ASIC2: variants seen among roughly 807,000 people sequenced by gnomAD.
The protein encoded by ASIC2 is acid-sensing ion channel 2.
In ASIC2, 25 loss-of-function variants were observed where a neutral mutation model predicts 57.3. The observed-to-expected ratio is 0.44, with a 90% confidence interval of 0.32 to 0.61. The LOEUF (loss-of-function observed/expected upper bound fraction) is 0.61. ASIC2 is among the 20% of genes least tolerant of loss of function. The pLI is 0.06. For missense variants in ASIC2, 641 were observed against 738.1 expected, an observed-to-expected ratio of 0.87 and a Z score of 1.52; for synonymous variants, 319 against 307.5, an observed-to-expected ratio of 1.04 and a Z score of -0.39.
intron 1 of ASIC2, among the ~76,000 whole-genome samples, chr17:33,988,313 C>T (rs77984653): frequency 0.039 from 5,904 of 152,252 alleles, 158 homozygotes; most frequent in Middle Eastern, 0.068. Context: ...AATTGAATCA[C>T]GGGAGCAAGT....
intron 1 of ASIC2, among the ~76,000 whole-genome samples, chr17:33,275,044 A>G (rs568579399): frequency 1.6e-3 from 251 of 152,144 alleles, no homozygotes; most frequent in Non-Finnish European, 2.8e-3. Context: ...AGCTCAGGGT[A>G]CCTGGGAGGC....
intron 1 of ASIC2, among the ~76,000 whole-genome samples, chr17:33,171,019 G>C (rs1597614546): frequency 6.6e-6 from 1 of 152,262 alleles, no homozygotes; most frequent in East Asian, 1.9e-4. Context: ...GTAAACTGAT[G>C]TGAAGGCTGG....
chr17:33,398,333 G>A (rs557040012), intron 1 of ASIC2, among the ~76,000 whole-genome samples: 11 of 152,226 alleles, frequency 7.2e-5, no homozygotes, highest in Admixed American at 6.5e-4. Context: ...AAAAGAGCAC[G>A]GGTTAACACA....
At chr17:33,248,541 T>C (rs1908771131) in intron 1 of ASIC2, among the ~76,000 whole-genome samples, 1 of 152,196 alleles carries the variant, frequency 6.6e-6, no homozygotes, top group Non-Finnish European at 1.5e-5. Flanking sequence ...ACAACAGGAA[T>C]TTATTCTCTC....
At chr17:33,741,154 T>C (rs373673972) in intron 1 of ASIC2, among the ~76,000 whole-genome samples, 262 of 152,270 alleles carry the variant, frequency 1.7e-3, no homozygotes, top group African/African-American at 6.0e-3. Flanking sequence ...CTGCCCAGGG[T>C]CTTCAGACCC....
At chr17:33,221,204 G>A (rs540555142) in intron 1 of ASIC2, among the ~76,000 whole-genome samples, 84 of 152,274 alleles carry the variant, frequency 5.5e-4, no homozygotes, top group Non-Finnish European at 1.0e-3. Flanking sequence ...TGAGATCTGG[G>A]CCAAGTCACT....
intron 1 of ASIC2, among the ~76,000 whole-genome samples, chr17:33,475,706 T>C (rs913566027): frequency 4.6e-5 from 7 of 152,214 alleles, no homozygotes; most frequent in African/African-American, 1.7e-4. Context: ...ACTTTTTCAG[T>C]GTAACAGCGT....
chr17:33,265,102 C>CA lies in ASIC2; in HGVS notation c.708+26305dup, dbSNP rs549788119. 2.0e-5 allele frequency among the ~76,000 whole-genome samples: 3 copies of CA among 152,334 alleles called. No individual in the cohort carries two copies. In the East Asian group the frequency reaches 5.8e-4, roughly 29 times the overall value. On this transcript the variant is annotated intron_variant, in intron 1 of 9. Transcript: ENST00000225823. ...TTGGCCTCTCTGGGTCACATGACTC[C>CA]AGTTCCAATACACTCCCTGTAATTC...
At position 33,696,809 on chromosome 17, in the gene ASIC2, AATCTT is replaced by A. The variant is rs529372377; in HGVS notation, c.555+459164_555+459168del. Reference sequence around the variant, plus strand: ...ACAATAAAGTAAGCTAGAGGAGAAAAATCTTATTAAGCAAATCCTAAGGAAGAGAA... The same window carrying A: ...ACAATAAAGTAAGCTAGAGGAGAAAAATTAAGCAAATCCTAAGGAAGAGAA... On this transcript the variant is annotated intron_variant, in intron 1 of 9. Transcript: ENST00000359872. Among the ~76,000 whole-genome samples, 688 of 152,304 alleles carry A rather than the reference AATCTT, an allele frequency of 4.5e-3. 5 individuals carry two copies. The highest frequency in any genetic ancestry group is 0.016 in the African/African-American group (669 of 41,562).
At chr17:33,798,433 G>A (rs1223915963) in intron 1 of ASIC2, among the ~76,000 whole-genome samples, 1 of 152,156 alleles carries the variant, frequency 6.6e-6, no homozygotes, top group Non-Finnish European at 1.5e-5. Flanking sequence ...AATTAGCAGA[G>A]ATCAATTTGT....
intron 1 of ASIC2, among the ~76,000 whole-genome samples, chr17:33,548,888 T>C (rs1289951705): frequency 1.3e-5 from 2 of 152,088 alleles, no homozygotes; most frequent in African/African-American, 4.8e-5. Flanking sequence ...ACAACTTAGT[T>C]CAAATGACTT....
intron 1 of ASIC2, chr17:33,793,433 C>T (rs1173833332): frequency 6.6e-6 from 1 of 152,254 alleles, no homozygotes; most frequent in Non-Finnish European, 1.5e-5. Flanking sequence ...TCTGTACTTA[C>T]TAAGTGCTGT....
At chr17:33,083,262 T>G (rs2092120498) in intron 3 of ASIC2, among the ~76,000 whole-genome samples, 1 of 152,228 alleles carries the variant, frequency 6.6e-6, no homozygotes, top group East Asian at 1.9e-4. Flanking sequence ...TCTGAGACTA[T>G]AAGAGACAAG....
chr17:33,291,338 G>T (rs1905430329), intron 1 of ASIC2, 70 bp downstream of exon 1: 5 of 1,513,740 alleles, frequency 3.3e-6, no homozygotes, highest in Non-Finnish European at 4.4e-6. Context: ...CGAGGGGGCG[G>T]AACACCAGGC....
At chr17:33,028,118 TC>T (rs768325366) in intron 4 of ASIC2, 123 bp downstream of exon 4, 28 of 1,349,792 alleles carry the variant, frequency 2.1e-5, no homozygotes, top group Non-Finnish European at 2.8e-5. Context: ...AACAGAGTCT[TC>T]CCAGAACATC....
chr17:33,919,576 A>T (rs1218308905), intron 1 of ASIC2, among the ~76,000 whole-genome samples: 2 of 152,252 alleles, frequency 1.3e-5, no homozygotes, highest in African/African-American at 4.8e-5. Context: ...ATCCTAGAAG[A>T]AAACCTAGGA....
intron 1 of ASIC2, among the ~76,000 whole-genome samples, chr17:33,978,808 T>C (rs2142002736): frequency 6.6e-6 from 1 of 152,228 alleles, no homozygotes; most frequent in African/African-American, 2.4e-5. Flanking sequence ...AAAGAGCTTC[T>C]AACCCCACCA....
chr17:33,929,391 C>T (rs1915885753), intron 1 of ASIC2, among the ~76,000 whole-genome samples: 1 of 152,212 alleles, frequency 6.6e-6, no homozygotes, highest in Admixed American at 6.5e-5. Flanking sequence ...AGCCTGGGCT[C>T]ATTTACATTT....
chr17:33,585,312 C>T (rs1481720149), intron 1 of ASIC2, among the ~76,000 whole-genome samples: 1 of 152,112 alleles, frequency 6.6e-6, no homozygotes, highest in African/African-American at 2.4e-5. Flanking sequence ...GACCTCTGGC[C>T]CTGGGAACTT....
Sources: allele counts gnomAD v4.1 joint callset (sites outside exome capture counted in the v4.1 genomes callset), GRCh38; gene constraint gnomAD v4.1.1; transcripts MANE v1.5; gene names NCBI Gene and HGNC (gene_info 2026-07-23, HGNC 2026-07-21).